Variants in NALCN observed in about 807,000 individuals in gnomAD.
NALCN encodes sodium leak channel, non-selective.
In NALCN, 111 loss-of-function variants were observed where a neutral mutation model predicts 225.3. The observed-to-expected ratio is 0.49, with a 90% CI of 0.42 to 0.58. The LOEUF (loss-of-function observed/expected upper bound fraction) is 0.58, where lower values mean the gene tolerates loss of function less well. Among genes scored for constraint, NALCN ranks in the 20% least tolerant of loss-of-function variants. NALCN has a pLI of 0.00. For synonymous variants in NALCN, 764 were observed against 769.0 expected, an observed-to-expected ratio of 0.99 and a Z score of 0.11; for missense variants, 1,378 against 2,202.4, an observed-to-expected ratio of 0.63 and a Z score of 7.49.
At chr13:101,172,965 G>A (rs1359447943) in intron 15 of NALCN, among the ~76,000 whole-genome samples, 3 of 152,040 alleles carry the variant, frequency 2.0e-5, no homozygotes, top group African/African-American at 4.8e-5. Flanking sequence ...AAAACATATC[G>A]ATAATAAAAG....
rs71439694 is a variant in NALCN at position 101,190,695 on chromosome 13, C to T, written c.1764+1222G>A. 3.7e-3 allele frequency among the ~76,000 whole-genome samples: 565 copies of T among 152,246 alleles called. 2 individuals are homozygous for T. The highest frequency in any genetic ancestry group is 6.8e-3 in the Non-Finnish European group (465 of 68,012). On this transcript the variant is annotated intron_variant, in intron 14 of 43. Coordinates refer to ENST00000251127, the MANE Select transcript of NALCN (RefSeq NM_052867.4). ...CTTAGTTTTGAAAGCCTCTGTCTGT[C>T]TATAGCAAACACAACTTCTAAGTTA... is the stretch of plus-strand genomic sequence containing the variant.
chr13:101,273,846 C>T (rs1173552025), intron 10 of NALCN, among the ~76,000 whole-genome samples: 1 of 148,016 alleles, frequency 6.8e-6, no homozygotes, highest in Non-Finnish European at 1.5e-5. Context: ...GATCACGCCA[C>T]CGCACTCCAG....
chr13:101,245,500 T>C (rs1318866561), intron 11 of NALCN, among the ~76,000 whole-genome samples: 2 of 152,164 alleles, frequency 1.3e-5, no homozygotes, highest in East Asian at 3.9e-4. Flanking sequence ...ATATATCTTT[T>C]TACATACTCT....
intron 15 of NALCN, among the ~76,000 whole-genome samples, chr13:101,155,459 T>G (rs2037857537): frequency 6.6e-6 from 1 of 152,162 alleles, no homozygotes; most frequent in Non-Finnish European, 1.5e-5. Flanking sequence ...TCCCCCAATT[T>G]TGGGTTGTCT....
chr13:101,176,648 A>C (rs2038971312), intron 14 of NALCN, among the ~76,000 whole-genome samples: 2 of 152,244 alleles, frequency 1.3e-5, no homozygotes, highest in South Asian at 4.1e-4. Context: ...TGAACTCAAC[A>C]ATCCCACTTG....
chr13:101,082,109 C>T (rs1309129871), intron 33 of NALCN, among the ~76,000 whole-genome samples: 5 of 152,138 alleles, frequency 3.3e-5, no homozygotes, highest in African/African-American at 1.2e-4. Context: ...AACTCCTGGC[C>T]TCAGGTGATC....
intron 17 of NALCN, among the ~76,000 whole-genome samples, chr13:101,133,512 G>C (rs2036615500): frequency 6.6e-6 from 1 of 152,238 alleles, no homozygotes; most frequent in African/African-American, 2.4e-5. Flanking sequence ...TATTGAATAA[G>C]TCTCCCAAAT....
intron 6 of NALCN, among the ~76,000 whole-genome samples, chr13:101,353,822 C>T (rs2045973406): frequency 6.6e-6 from 1 of 152,098 alleles, no homozygotes; most frequent in Non-Finnish European, 1.5e-5. Context: ...AATATTGTGA[C>T]TATGAAATTT....
chr13:101,327,434 T>G (rs1431102447), intron 7 of NALCN, among the ~76,000 whole-genome samples: 1 of 152,194 alleles, frequency 6.6e-6, no homozygotes, highest in Non-Finnish European at 1.5e-5. Flanking sequence ...AGCAATTTCT[T>G]TAATCATTCA....
intron 10 of NALCN, among the ~76,000 whole-genome samples, chr13:101,269,293 C>T (rs1178173221): frequency 2.0e-5 from 3 of 151,392 alleles, no homozygotes; most frequent in East Asian, 3.9e-4. Flanking sequence ...AGGCTGGATT[C>T]ATAGTAGATT....
chr13:101,299,711 T>C (rs1162844878), intron 7 of NALCN, among the ~76,000 whole-genome samples: 1 of 152,178 alleles, frequency 6.6e-6, no homozygotes, highest in South Asian at 2.1e-4. Context: ...TTGAGGTCAC[T>C]TTTGATGGCA....
At chr13:101,321,183 T>G (rs1566573540) in intron 7 of NALCN, among the ~76,000 whole-genome samples, 1 of 152,124 alleles carries the variant, frequency 6.6e-6, no homozygotes, top group African/African-American at 2.4e-5. Context: ...ATCCTTTCAT[T>G]AACTCTAAAA....
chr13:101,096,630 G>A (rs1594195240), intron 27 of NALCN, among the ~76,000 whole-genome samples: 1 of 152,172 alleles, frequency 6.6e-6, no homozygotes, highest in South Asian at 2.1e-4. Context: ...AGATACAAAT[G>A]TTCTAAAAGT....
Position 101,111,240 on chromosome 13 carries a change from A to AG in NALCN, c.2193-15dup. ...CGGGTGCAAGCTCTAGGAAAAAAAA[A>AG]GGAGCCCAAGATAAATGCATGGTTT... On this transcript the variant is annotated splice_polypyrimidine_tract_variant and intron_variant, in intron 18 of 43. Coordinates refer to ENST00000251127, the MANE Select transcript of NALCN (RefSeq NM_052867.4). 6.3e-7 allele frequency: 1 copy of AG among 1,575,760 alleles called. No homozygotes were observed.
At chr13:101,058,437 T>TGCGAC in intron 42 of NALCN, 1 of 152,410 alleles carries the variant, frequency 6.6e-6, no homozygotes, top group Admixed American at 6.4e-5. Flanking sequence ...CAGTCTACTG[T>TGCGAC]CACCAGCCTG....
chr13:101,372,079 T>C (rs2046555560), intron 6 of NALCN, among the ~76,000 whole-genome samples: 1 of 152,192 alleles, frequency 6.6e-6, no homozygotes. Flanking sequence ...ACCCATCATA[T>C]ACCCTGGCAT....
intron 1 of NALCN, among the ~76,000 whole-genome samples, chr13:101,400,546 T>TGTGTGTG (rs1429658079): frequency 1.2e-3 from 73 of 59,076 alleles, no homozygotes; most frequent in South Asian, 1.8e-3. Context: ...ATGTTTGCAG[T>TGTGTGTG]GTGTGTGTGT....
At chr13:101,199,310 T>C (rs994009018) in intron 13 of NALCN, among the ~76,000 whole-genome samples, 1 of 150,226 alleles carries the variant, frequency 6.7e-6, no homozygotes, top group Non-Finnish European at 1.5e-5. Context: ...TTGGAAAAAA[T>C]AAATAAATAA....
rs608726 is a variant in NALCN, at chr13:101,095,370, T to C, written c.3269+204A>G. Among the ~76,000 whole-genome samples, 8,773 of 152,250 alleles carry C rather than the reference T, an allele frequency of 0.058. 751 individuals are homozygous for C. Among genetic ancestry groups the C allele is most frequent in the African/African-American group, 0.19 (7,800 of 41,530 alleles). ...ATTTCTCTAGTTTCATGAAGCTATATAGAACTCATTGCACTACTTGCTCTC... is the reference window on the plus strand; with the variant it reads ...ATTTCTCTAGTTTCATGAAGCTATACAGAACTCATTGCACTACTTGCTCTC... On this transcript the variant is annotated intron_variant, in intron 28 of 43. Coordinates refer to ENST00000251127, the MANE Select transcript of NALCN (RefSeq NM_052867.4).
Sources: gnomAD v4.1 joint callset for allele counts (sites outside exome capture counted in the v4.1 genomes callset) on GRCh38, gnomAD v4.1.1 for gene constraint, MANE v1.5 for transcripts, NCBI Gene and HGNC (gene_info 2026-07-23, HGNC 2026-07-21) for gene names.